Variants in TSPAN16 observed in about 807,000 individuals in gnomAD.
TSPAN16 encodes tetraspanin 16.
In TSPAN16, 23 loss-of-function variants were observed where a neutral mutation model predicts 25.2. The ratio of observed to expected loss-of-function variants is 0.91; its 90% CI spans 0.66 to 1.29. TSPAN16 has a LOEUF of 1.29. Among genes scored for constraint, TSPAN16 ranks in the 50% most tolerant of loss-of-function variants. The pLI, the probability that TSPAN16 is intolerant of heterozygous loss-of-function variation, is 0.00. For missense variants in TSPAN16, 272 were observed against 299.9 expected (o/e 0.91, Z 0.69); for synonymous variants, 123 against 124.4 (o/e 0.99, Z 0.08).
chr19:11,312,512 C>T (rs1023433425), intron 6 of TSPAN16, among the ~76,000 whole-genome samples: 4 of 151,972 alleles, frequency 2.6e-5, no homozygotes, highest in Non-Finnish European at 4.4e-5. Flanking sequence ...AATTCTAGCA[C>T]TTTGGGAGGC....
intron 1 of TSPAN16, among the ~76,000 whole-genome samples, chr19:11,297,031 ACT>A (rs1357156018): frequency 6.6e-6 from 1 of 152,124 alleles, no homozygotes; most frequent in Non-Finnish European, 1.5e-5. Flanking sequence ...ACATAGCGAG[ACT>A]CTGTCTCAAT....
intron 6 of TSPAN16, chr19:11,323,163 T>C (rs1413528919): frequency 6.8e-6 from 1 of 147,992 alleles, no homozygotes; most frequent in Non-Finnish European, 1.5e-5. Flanking sequence ...TCTTGAGAAG[T>C]CTTTTTGAAG....
intron 5 of TSPAN16, among the ~76,000 whole-genome samples, chr19:11,311,487 G>A (rs2080692079): frequency 6.6e-6 from 1 of 152,044 alleles, no homozygotes. Flanking sequence ...CTGGAGTGCA[G>A]TGGCATGATC....
intron 6 of TSPAN16, chr19:11,324,511 C>T (rs1487482491): frequency 7.2e-6 from 1 of 138,432 alleles, no homozygotes; most frequent in East Asian, 2.0e-4. Context: ...AACAGCTAAA[C>T]AGGGCCTGGG....
intron 2 of TSPAN16, 150 bp from the exon 3 acceptor site, chr19:11,298,722 T>C: frequency 4.1e-6 from 3 of 734,620 alleles, no homozygotes; most frequent in Non-Finnish European, 7.1e-6. Context: ...GTTGAGCCAC[T>C]GCTCCCGGTC....
chr19:11,320,122 C>CCTTTTTTTTTTTT (rs2080769364), downstream of TSPAN16, among the ~76,000 whole-genome samples: 1 of 106,838 alleles, frequency 9.4e-6, no homozygotes, highest in African/African-American at 4.1e-5. Flanking sequence ...CCGGCCAGGA[C>CCTTTTTTTTTTTT]TTTTTTTTTT....
chr19:11,309,253 C>T (rs1190664052), intron 5 of TSPAN16, among the ~76,000 whole-genome samples: 3 of 151,936 alleles, frequency 2.0e-5, no homozygotes, highest in African/African-American at 7.3e-5. Context: ...ATGAATCGTT[C>T]ATTCCTTCAT....
At chr19:11,326,788 T>C (rs1198450712) in intron 6 of TSPAN16, 2 of 693,606 alleles carry the variant, frequency 2.9e-6, no homozygotes, top group South Asian at 1.5e-5. Flanking sequence ...ATTTTTTCTT[T>C]TGTAGAGGTG....
rs1418003765 is a variant in TSPAN16, at chr19:11,298,183, A to T, written c.111A>T (p.Lys37Asn). The change falls in exon 2 of 7, where the codon AAA becomes AAT. Residue 37 changes from lysine to asparagine, a missense_variant. Physicochemically the swap from Lys to Asn is moderately conservative, Grantham distance 94. Transcript: ENST00000590327. ...TAGTTGGCCTGGGCATTGGTGGTAAATGTGGAGGGGCCTCTCTGACGAATG... is the reference window on the plus strand; with the variant it reads ...TAGTTGGCCTGGGCATTGGTGGTAATTGTGGAGGGGCCTCTCTGACGAATG... ...IILVGLGIGG[K>N]CGGASLTNVL... The T allele has an allele frequency of 6.2e-7, 1 of 1,614,014 alleles. No homozygotes were observed. Among genetic ancestry groups the T allele is most frequent in the African/African-American group, 1.3e-5 (1 of 74,910 alleles).
At position 11,298,382 on chromosome 19, in the gene TSPAN16, A is replaced by G. The variant is rs772489858; in HGVS notation, c.267+43A>G. 12 of 1,587,922 alleles carry G rather than the reference A, an allele frequency of 7.6e-6. No homozygotes were observed. The African/African-American group carries it at 1.3e-4, about 18-fold the overall frequency. On this transcript the variant is annotated intron_variant, in intron 2 of 6. Coordinates refer to ENST00000590327, the MANE Select transcript of TSPAN16 (RefSeq NM_001282509.2). ...ACAGACCCCAGAACTGCCTCCCCAC[A>G]CACACAAATCTTTTATTGTGCGTGT... is the stretch of plus-strand genomic sequence containing the variant.
At chr19:11,297,327 A>G (rs1056260103) in intron 1 of TSPAN16, among the ~76,000 whole-genome samples, 1 of 152,080 alleles carries the variant, frequency 6.6e-6, no homozygotes, top group African/African-American at 2.4e-5. Context: ...GTGTTATTGG[A>G]ACATGGCCGT....
At chr19:11,310,240 A>G (rs2080675470) in intron 5 of TSPAN16, among the ~76,000 whole-genome samples, 1 of 151,996 alleles carries the variant, frequency 6.6e-6, no homozygotes, top group Non-Finnish European at 1.5e-5. Context: ...GGAAGAAGGA[A>G]GAAGGCCGGG....
chr19:11,296,761 G>C (rs116785477), intron 1 of TSPAN16, among the ~76,000 whole-genome samples: 2,207 of 152,310 alleles, frequency 0.014, 41 homozygotes, highest in African/African-American at 0.049. Context: ...TTGTCAGGCC[G>C]GGGGCGCTGG....
chr19:11,297,482 ATTATTTTATT>A lies in TSPAN16; in HGVS notation c.70-637_70-628del, dbSNP rs61261243. ...AAATTGCTAATCCCTGTCCTATGAC[ATTATTTTATT>A]TTATTTTATTTTATTTTATTTTGAG... On this transcript the variant is annotated intron_variant, in intron 1 of 6. Coordinates refer to ENST00000590327, the MANE Select transcript of TSPAN16 (RefSeq NM_001282509.2). Among the ~76,000 whole-genome samples, 229 of 147,050 alleles carry A rather than the reference ATTATTTTATT, an allele frequency of 1.6e-3. 2 individuals carry two copies. The highest frequency in any genetic ancestry group is 3.5e-3 in the Middle Eastern group (1 of 288).
chr19:11,299,610 C>T (rs908117185), intron 3 of TSPAN16, among the ~76,000 whole-genome samples: 1 of 152,126 alleles, frequency 6.6e-6, no homozygotes, highest in Non-Finnish European at 1.5e-5. Context: ...CCTGGCAGTC[C>T]CATCTCTGGG....
chr19:11,312,322 TAAA>T (rs56982210), intron 6 of TSPAN16, 100 bp downstream of exon 6: 2,035 of 305,810 alleles, frequency 6.7e-3, no homozygotes, highest in East Asian at 0.012. Context: ...TGAACAAAAC[TAAA>T]AAAAAAAAAA....
chr19:11,321,832 G>A (rs947956669), intron 6 of TSPAN16, among the ~76,000 whole-genome samples: 1 of 152,156 alleles, frequency 6.6e-6, no homozygotes, highest in Non-Finnish European at 1.5e-5. Flanking sequence ...CTGCTGGGGA[G>A]AGAACTGAGC....
At chr19:11,308,309 G>GTT (rs58847139) in intron 5 of TSPAN16, among the ~76,000 whole-genome samples, 1 of 151,510 alleles carries the variant, frequency 6.6e-6, no homozygotes, top group African/African-American at 2.4e-5. Context: ...AACAAATTTT[G>GTT]TTTTTTTGAG....
In TSPAN16 at chr19:11,315,937, G is replaced by T; in HGVS notation, c.*99G>T. ...TGTGGCACTCACTGCTTCTGGAGGG[G>T]AGACTGTTAATAAAAGATTTGGGAA... On this transcript the variant is annotated 3_prime_UTR_variant, in exon 7 of 7. Transcript: ENST00000590327. 8.1e-7 allele frequency: 1 copy of T among 1,230,330 alleles called. No individual in the cohort carries two copies. The highest frequency in any genetic ancestry group is 1.0e-6 in the Non-Finnish European group (1 of 986,942). The allele number at this position is 1,230,330 out of a possible 1,614,324, so 76.2% of individuals were successfully genotyped here.
Sources: gnomAD v4.1 joint callset for allele counts (sites outside exome capture counted in the v4.1 genomes callset) on GRCh38, gnomAD v4.1.1 for gene constraint, MANE v1.5 for transcripts, NCBI Gene and HGNC (gene_info 2026-07-23, HGNC 2026-07-21) for gene names.